The following DNAI2 variants were observed in gnomAD, a reference collection of about 807,000 sequenced individuals.
The protein encoded by DNAI2 is dynein axonemal intermediate chain 2.
DNAI2 carries 63 observed loss-of-function variants against 74.7 expected under a neutral mutation model. That is an observed-to-expected ratio of 0.84 (90% CI 0.69 to 1.04). The LOEUF is 1.04. Among genes scored for constraint, DNAI2 ranks in the 50% least tolerant of loss-of-function variants. The pLI is 0.00. For missense variants in DNAI2, 688 were observed against 803.2 expected, an observed-to-expected ratio of 0.86 and a Z score of 1.73; for synonymous variants, 289 against 314.9, an observed-to-expected ratio of 0.92 and a Z score of 0.87.
At chr17:74,296,533 A>G (rs2052457260) in intron 6 of DNAI2, among the ~76,000 whole-genome samples, 1 of 152,092 alleles carries the variant, frequency 6.6e-6, no homozygotes, top group Non-Finnish European at 1.5e-5. Flanking sequence ...TTTCCTTTTA[A>G]GCTTTTCGGT....
In DNAI2 at chr17:74,312,167, C is replaced by G; in HGVS notation, c.1659C>G (p.Phe553Leu). The G allele has an allele frequency of 6.2e-7, 1 of 1,612,710 alleles. No homozygotes were observed. Among genetic ancestry groups the G allele is most frequent in the Non-Finnish European group, 8.5e-7 (1 of 1,179,732 alleles). ...TCAGCAAGGCCGAGGAGGAGTTCTT[C>G]GACATCATCTTCGCAGAGCTGAAGA... ...ALVSKAEEEF[F>L]DIIFAELKKK... Residue 553 changes from phenylalanine (F) to leucine (L), a missense_variant, in exon 12 of 14, where the codon TTC becomes TTG. Phe to Leu is a conservative substitution (Grantham distance 22, BLOSUM62 0). Transcript: ENST00000311014.
In DNAI2 at chr17:74,312,204, GA is replaced by G. The variant is rs764971993; in HGVS notation, c.1697del (p.Asp566AlafsTer3). 1.9e-5 allele frequency: 31 copies of G among 1,594,808 alleles called. No individual in the cohort carries two copies. Among genetic ancestry groups the G allele is most frequent in the Non-Finnish European group, 2.5e-5 (29 of 1,173,416 alleles). On this transcript the variant is annotated frameshift_variant, in exon 12 of 14. Coordinates refer to ENST00000311014, the MANE Select transcript of DNAI2 (RefSeq NM_023036.6). LOFTEE classifies it high-confidence loss of function. ...CGCAGAGCTGAAGAAGAAGGAGGCA[GA>G]CGCCATAAAGCTGACGCCAGTGCCT... ...IFAELKKKEA[D>X]AIKLTPVPQQ...
intron 5 of DNAI2, among the ~76,000 whole-genome samples, chr17:74,290,346 G>A (rs1305444990): frequency 6.6e-6 from 1 of 152,136 alleles, no homozygotes; most frequent in African/African-American, 2.4e-5. Context: ...GTGCCCAGCA[G>A]ACTGAGAAGG....
intron 2 of DNAI2, 75 bp from the exon 3 acceptor site, chr17:74,284,965 C>G (rs1211773396): frequency 1.2e-6 from 2 of 1,601,840 alleles, no homozygotes; most frequent in Admixed American, 3.3e-5. Flanking sequence ...CCCCGTGGGA[C>G]CTGGCTTGCA....
In DNAI2 at chr17:74,300,972, G is replaced by A; in HGVS notation, c.865-74G>A. On this transcript the variant is annotated intron_variant, in intron 7 of 13. Coordinates refer to ENST00000311014, the MANE Select transcript of DNAI2 (RefSeq NM_023036.6). This position sits in a 1 kb window ranked among gnomAD's most constrained non-coding sequence, Gnocchi z 4.5. ...CAGTGGCTGACCCCAGGACGGTGGG[G>A]TGAGGGCGGAGAAGGCAAAAGCCAG... is the stretch of plus-strand genomic sequence containing the variant. The A allele has an allele frequency of 6.3e-7, 1 of 1,599,736 alleles. No homozygotes were observed.
Position 74,281,897 on chromosome 17 carries a change from T to C in DNAI2, c.80T>C (p.Leu27Pro). The C allele has an allele frequency of 1.2e-6, 2 of 1,614,186 alleles. No homozygotes were observed. Among genetic ancestry groups the C allele is most frequent in the South Asian group, 2.2e-5 (2 of 91,086 alleles). ...AATTTCTCGGACCGCCAGGCCGAGC[T>C]GAACATCGACATCATGCCCAACCCT... Reference protein sequence around the residue: ...QCNFSDRQAELNIDIMPNPEL... With the variant: ...QCNFSDRQAEPNIDIMPNPEL... The change falls in exon 2 of 14, where the codon CTG becomes CCG. Residue 27 changes from leucine to proline, a missense_variant. Leu to Pro is a moderately conservative substitution (Grantham distance 98). Transcript: ENST00000311014.
At position 74,281,328 on chromosome 17, in the gene DNAI2, G is replaced by A. The variant is rs542850730; in HGVS notation, c.-11-479G>A. Among the ~76,000 whole-genome samples the A allele has an allele frequency of 4.0e-5, 6 of 150,926 alleles. No individual in the cohort carries two copies. In the South Asian group the frequency reaches 8.5e-4, roughly 21 times the overall value. ...TGCTGGAGTGCAATGGTGTGATCTC[G>A]GCTCACTGCAACGTTCTCCTCCCGA... is the stretch of plus-strand genomic sequence containing the variant. On this transcript the variant is annotated intron_variant, in intron 1 of 13. Transcript: ENST00000311014.
intron 1 of DNAI2, among the ~76,000 whole-genome samples, chr17:74,278,236 C>T (rs1351232839): frequency 6.6e-6 from 1 of 151,718 alleles, no homozygotes; most frequent in Non-Finnish European, 1.5e-5. Flanking sequence ...TTGAGACAAG[C>T]CTGGGCAACA....
intron 13 of DNAI2, 108 bp downstream of exon 13, chr17:74,314,379 G>GC (rs2144149817): frequency 7.1e-7 from 1 of 1,411,858 alleles, no homozygotes. Flanking sequence ...CAAATCACTA[G>GC]CCCCCACTGA....
chr17:74,306,603 G>A (rs1351553282), intron 9 of DNAI2, among the ~76,000 whole-genome samples: 1 of 152,116 alleles, frequency 6.6e-6, no homozygotes, highest in Non-Finnish European at 1.5e-5. Flanking sequence ...AATATCTTGG[G>A]AGGAGTTTTT....
intron 9 of DNAI2, among the ~76,000 whole-genome samples, chr17:74,305,742 G>A (rs982669513): frequency 6.8e-6 from 1 of 147,840 alleles, no homozygotes; most frequent in Non-Finnish European, 1.5e-5. Context: ...CGTGATCTCG[G>A]CTCACTGCAG....
rs973394871 is a variant in DNAI2, at chr17:74,281,789, C to G, written c.-11-18C>G. 6.2e-7 allele frequency: 1 copy of G among 1,612,090 alleles called. No homozygotes were observed. The highest frequency in any genetic ancestry group is 1.3e-5 in the African/African-American group (1 of 74,828). ...GCCGGTGGGGTCCCTCACCCCACAC[C>G]CTCCCTCTGCCCCCCAGCAGCCGGC... On this transcript the variant is annotated intron_variant, in intron 1 of 13. Transcript: ENST00000311014.
intron 4 of DNAI2, among the ~76,000 whole-genome samples, chr17:74,288,196 A>G (rs1330138911): frequency 6.6e-6 from 1 of 152,224 alleles, no homozygotes; most frequent in Admixed American, 6.5e-5. Flanking sequence ...CACCCTCAGT[A>G]CAGTATTCAG....
intron 6 of DNAI2, among the ~76,000 whole-genome samples, chr17:74,297,029 T>G (rs926185106): frequency 1.3e-5 from 2 of 152,154 alleles, no homozygotes; most frequent in Non-Finnish European, 2.9e-5. Context: ...GAGGAGAGAA[T>G]TTTTGGAGGT....
At chr17:74,304,517 AG>A (rs1316297104) in intron 8 of DNAI2, among the ~76,000 whole-genome samples, 1 of 152,106 alleles carries the variant, frequency 6.6e-6, no homozygotes, top group African/African-American at 2.4e-5. Flanking sequence ...TGCGTGATGG[AG>A]GGGGTCATGC....
chr17:74,312,004 T>G lies in DNAI2; in HGVS notation c.1496T>G (p.Met499Arg). ...QRNEKNVASS[M>R]FERETRREKI... ...CTCTCTCTGTCCCTGGGTGCCCAGA[T>G]GTTTGAGCGTGAGACCCGGCGAGAG... Residue 499 changes from methionine (M) to arginine (R), a missense_variant and splice_region_variant, in exon 12 of 14, where the codon ATG becomes AGG. Physicochemically the swap from Met to Arg is moderately conservative, Grantham distance 91 (BLOSUM62 -1). Coordinates refer to ENST00000311014, the MANE Select transcript of DNAI2 (RefSeq NM_023036.6). 1 of 1,610,538 alleles carries G rather than the reference T, an allele frequency of 6.2e-7. No homozygotes were observed. Among genetic ancestry groups the G allele is most frequent in the South Asian group, 1.1e-5 (1 of 90,972 alleles).
At chr17:74,290,923 C>T (rs1236573201) in intron 5 of DNAI2, 97 bp from the exon 6 acceptor site, 4 of 1,051,236 alleles carry the variant, frequency 3.8e-6, no homozygotes, top group Middle Eastern at 2.2e-4. Flanking sequence ...CCCTCTGCCA[C>T]CATGCCCCCG....
At chr17:74,285,970 T>TATAG (rs1292164464) in intron 3 of DNAI2, among the ~76,000 whole-genome samples, 212 of 146,932 alleles carry the variant, frequency 1.4e-3, no homozygotes, top group Middle Eastern at 3.5e-3. Context: ...TATATATATA[T>TATAG]AGAGAGAGAG....
intron 2 of DNAI2, among the ~76,000 whole-genome samples, chr17:74,284,517 A>G (rs1227598753): frequency 6.6e-6 from 1 of 151,452 alleles, no homozygotes; most frequent in African/African-American, 2.4e-5. Context: ...GGTTCAAGTG[A>G]TTCTCCTGCC....
Sources: gnomAD v4.1 joint callset for allele counts (sites outside exome capture counted in the v4.1 genomes callset) on GRCh38, gnomAD v4.1.1 for gene constraint, Gnocchi (gnomAD v3.1) non-coding constraint, MANE v1.5 for transcripts, NCBI Gene and HGNC (gene_info 2026-07-23, HGNC 2026-07-21) for gene names.